The following FGF14 variants were observed in gnomAD, a reference collection of about 807,000 sequenced individuals.
FGF14 encodes the protein fibroblast growth factor 14, also known as fibroblast growth factor homologous factor 4.
Under a neutral mutation model 25.5 loss-of-function variants are expected in FGF14, and 5 were observed. The observed-to-expected ratio is 0.20, with a 90% CI of 0.10 to 0.41. The LOEUF is 0.41. Ranked by LOEUF, FGF14 falls within the 10% of genes least tolerant of loss-of-function variation. FGF14 has a pLI of 1.00. For synonymous variants in FGF14, 138 were observed against 118.3 expected, an observed-to-expected ratio of 1.17 and a Z score of -1.08; for missense variants, 222 against 320.1, an observed-to-expected ratio of 0.69 and a Z score of 2.34.
Position 101,935,006 on chromosome 13 carries a change from C to T in FGF14, c.209-59710G>A, listed in dbSNP as rs570369890. Reference sequence around the variant, plus strand: ...ATTGTATTGGCTCCTAGAACTTTTTCATCTTGCATAACTTGTTTTAGGCTC... The same window carrying T: ...ATTGTATTGGCTCCTAGAACTTTTTTATCTTGCATAACTTGTTTTAGGCTC... On this transcript the variant is annotated intron_variant, in intron 1 of 4. Transcript: ENST00000376131. Among the ~76,000 whole-genome samples the T allele has an allele frequency of 5.3e-5, 8 of 152,222 alleles. No homozygotes were observed. The South Asian group carries it at 1.7e-3, about 32-fold the overall frequency.
At chr13:102,035,103 T>A (rs909509312) in intron 1 of FGF14, among the ~76,000 whole-genome samples, 1 of 152,112 alleles carries the variant, frequency 6.6e-6, no homozygotes, top group Non-Finnish European at 1.5e-5. Context: ...AGTGAGGTTG[T>A]CTGATGCCTG....
chr13:102,287,316 T>A (rs1238205415), intron 1 of FGF14, among the ~76,000 whole-genome samples: 1 of 151,918 alleles, frequency 6.6e-6, no homozygotes, highest in East Asian at 1.9e-4. Context: ...GACAATGAAA[T>A]TAAATGTGAC....
intron 1 of FGF14, among the ~76,000 whole-genome samples, chr13:102,087,407 C>CTT (rs71125043): frequency 0.013 from 1,118 of 84,368 alleles, 110 homozygotes; most frequent in Admixed American, 0.042. Flanking sequence ...ACTGTAATTT[C>CTT]TTTTTTTTTT....
intron 1 of FGF14, among the ~76,000 whole-genome samples, chr13:101,946,257 T>C (rs1235994935): frequency 6.6e-6 from 1 of 151,564 alleles, no homozygotes; most frequent in Non-Finnish European, 1.5e-5. Flanking sequence ...TTTCCACAGA[T>C]CTGCAGTCCT....
chr13:102,271,281 C>G (rs533286709), intron 1 of FGF14, among the ~76,000 whole-genome samples: 2 of 152,258 alleles, frequency 1.3e-5, no homozygotes, highest in South Asian at 4.1e-4. Context: ...TTTGCCAGTT[C>G]CCCAGCACGC....
chr13:101,809,423 T>C (rs767441213), intron 3 of FGF14, among the ~76,000 whole-genome samples: 2 of 151,890 alleles, frequency 1.3e-5, no homozygotes, highest in Non-Finnish European at 2.9e-5. Context: ...CTATGAAGAG[T>C]TTATCATAAA....
At chr13:102,329,578 A>C (rs1566941138) in intron 1 of FGF14, among the ~76,000 whole-genome samples, 1 of 152,142 alleles carries the variant, frequency 6.6e-6, no homozygotes, top group Admixed American at 6.6e-5. Flanking sequence ...AGAGTATTCA[A>C]AATAATCCTT....
At chr13:101,876,823 G>C (rs1268157399) in intron 1 of FGF14, among the ~76,000 whole-genome samples, 2 of 152,054 alleles carry the variant, frequency 1.3e-5, no homozygotes, top group African/African-American at 4.8e-5. Flanking sequence ...TTGTGCCTAA[G>C]TCTGCCCATC....
At chr13:101,923,173 T>C (rs957928669) in intron 1 of FGF14, among the ~76,000 whole-genome samples, 2 of 152,128 alleles carry the variant, frequency 1.3e-5, no homozygotes, top group African/African-American at 4.8e-5. Flanking sequence ...GACGTGTACT[T>C]GATCGTTTTC....
chr13:102,088,881 A>G (rs2044045511), intron 1 of FGF14, among the ~76,000 whole-genome samples: 1 of 152,160 alleles, frequency 6.6e-6, no homozygotes, highest in African/African-American at 2.4e-5. Flanking sequence ...CCTGAAAGTT[A>G]CCGTATAAAG....
intron 1 of FGF14, among the ~76,000 whole-genome samples, chr13:102,128,322 G>T (rs1340962350): frequency 3.3e-5 from 5 of 152,116 alleles, no homozygotes; most frequent in African/African-American, 4.8e-5. Flanking sequence ...CCCAGGAAAG[G>T]TTAGCCATTC....
At chr13:101,788,903 TATATATAGAGAGAGAGAGAG>T (rs1266236616) in intron 3 of FGF14, among the ~76,000 whole-genome samples, 33 of 35,628 alleles carry the variant, frequency 9.3e-4, no homozygotes, top group Non-Finnish European at 1.5e-3. Flanking sequence ...TATATATATA[TATATATAGAGAGAGAGAGAG>T]AGAGAGAGAG....
chr13:101,916,622 G>A lies in FGF14; in HGVS notation c.24C>T (p.Gly8=), dbSNP rs761970592. 110 of 1,586,748 alleles carry A rather than the reference G, an allele frequency of 6.9e-5. No individual in the cohort carries two copies. The highest frequency in any genetic ancestry group is 8.9e-5 in the Non-Finnish European group (104 of 1,164,162). The change falls in exon 1 of 5, where the codon GGC becomes GGT. Residue 8 remains glycine, a synonymous_variant. Coordinates refer to ENST00000376143, the MANE Select transcript of FGF14 (RefSeq NM_004115.4). Reference sequence around the variant, plus strand: ...GCGCCTGCCGCTTCTGGCGGATCAAGCCGCTAGCGATGGCCGCGGCCATGG... The same window carrying A: ...GCGCCTGCCGCTTCTGGCGGATCAAACCGCTAGCGATGGCCGCGGCCATGG... MAAAIAS[G]LIRQKRQARE...
chr13:102,217,441 T>A (rs191607043), intron 1 of FGF14, among the ~76,000 whole-genome samples: 1 of 152,364 alleles, frequency 6.6e-6, no homozygotes, highest in East Asian at 1.9e-4. Context: ...ATCTCAGTGT[T>A]ACAACAACTG....
chr13:101,725,710 A>T (rs1314057675), intron 4 of FGF14, among the ~76,000 whole-genome samples: 2 of 152,076 alleles, frequency 1.3e-5, no homozygotes, highest in African/African-American at 4.8e-5. Flanking sequence ...TGTCCAAGCT[A>T]GCTTAAAATA....
intron 3 of FGF14, among the ~76,000 whole-genome samples, chr13:101,798,810 T>C (rs1403911995): frequency 6.6e-6 from 1 of 152,112 alleles, no homozygotes; most frequent in African/African-American, 2.4e-5. Flanking sequence ...TATTTGTGAG[T>C]GTTTGTGTGT....
At chr13:101,984,424 A>G (rs538578337) in intron 1 of FGF14, among the ~76,000 whole-genome samples, 2 of 152,278 alleles carry the variant, frequency 1.3e-5, no homozygotes, top group South Asian at 2.1e-4. Flanking sequence ...AAATCTATCT[A>G]GTACTTGATT....
At chr13:101,849,733 A>C (rs1046999903) in intron 3 of FGF14, among the ~76,000 whole-genome samples, 4 of 152,078 alleles carry the variant, frequency 2.6e-5, no homozygotes, top group Non-Finnish European at 5.9e-5. Context: ...TCCTTTATGG[A>C]TGGTATAGAA....
At chr13:102,372,796 T>C (rs2057925723) in intron 1 of FGF14, among the ~76,000 whole-genome samples, 2 of 152,152 alleles carry the variant, frequency 1.3e-5, no homozygotes, top group Non-Finnish European at 2.9e-5. Flanking sequence ...GGTATTCCAA[T>C]GTATCACAAA....
Sources: gnomAD v4.1 joint callset for allele counts (sites outside exome capture counted in the v4.1 genomes callset) on GRCh38, gnomAD v4.1.1 for gene constraint, MANE v1.5 for transcripts, NCBI Gene and HGNC (gene_info 2026-07-23, HGNC 2026-07-21) for gene names.